The following CHRM3 variants were observed in gnomAD, a reference collection of about 807,000 sequenced individuals.
CHRM3 encodes the protein muscarinic acetylcholine receptor M3.
Under a neutral mutation model 41.8 loss-of-function variants are expected in CHRM3, and 11 were observed. That is an observed-to-expected ratio of 0.26 (90% CI 0.17 to 0.44). The LOEUF is 0.44. CHRM3 is among the 20% of genes least tolerant of loss of function. The pLI, the probability that CHRM3 is intolerant of heterozygous loss-of-function variation, is 1.00. For missense variants in CHRM3, 571 were observed against 745.4 expected (o/e 0.77, Z 2.72); for synonymous variants, 297 against 301.4 (o/e 0.99, Z 0.15).
At chr1:239,534,353 A>G (rs1346715639) in intron 2 of CHRM3, among the ~76,000 whole-genome samples, 2 of 152,184 alleles carry the variant, frequency 1.3e-5, no homozygotes, top group Non-Finnish European at 2.9e-5. Context: ...GAGAACGTGC[A>G]TACTGATTTG....
chr1:239,495,897 C>T (rs758154182), intron 2 of CHRM3, among the ~76,000 whole-genome samples: 1 of 151,998 alleles, frequency 6.6e-6, no homozygotes, highest in African/African-American at 2.4e-5. Context: ...ATTTCCTTCT[C>T]CCTACTTTTA....
intron 5 of CHRM3, among the ~76,000 whole-genome samples, chr1:239,757,865 A>G (rs906509900): frequency 2.0e-5 from 3 of 152,226 alleles, no homozygotes; most frequent in Admixed American, 1.3e-4. Context: ...TTAATGAAGC[A>G]GCAGTGGCTT....
intron 5 of CHRM3, among the ~76,000 whole-genome samples, chr1:239,811,131 G>GA (rs1207815594): frequency 6.6e-6 from 1 of 152,220 alleles, no homozygotes; most frequent in Non-Finnish European, 1.5e-5. Flanking sequence ...AAGCCGTCCT[G>GA]ACTCAAAATC....
rs546312537 is a variant in CHRM3, at chr1:239,883,511, A to G, written c.-19-23922A>G. 3.3e-5 allele frequency among the ~76,000 whole-genome samples: 5 copies of G among 152,202 alleles called. No individual in the cohort carries two copies. The East Asian group carries it at 9.7e-4, about 29-fold the overall frequency. On this transcript the variant is annotated intron_variant, in intron 6 of 6. Transcript: ENST00000676153. ...ATTTAGCAAACACTGCTTGCTCTCT[A>G]TGTGCTGAGCATTCTAACTGCTTAC... is the stretch of plus-strand genomic sequence containing the variant.
chr1:239,431,447 C>A (rs535906002), intron 1 of CHRM3, among the ~76,000 whole-genome samples: 69 of 152,144 alleles, frequency 4.5e-4, no homozygotes, highest in Non-Finnish European at 8.2e-4. Context: ...CTACATGACA[C>A]AATTGCCTTT....
intron 1 of CHRM3, among the ~76,000 whole-genome samples, chr1:239,423,872 G>A (rs993299152): frequency 2.6e-5 from 4 of 151,774 alleles, no homozygotes; most frequent in African/African-American, 9.7e-5. Context: ...TGGCTAACAC[G>A]GTGAAACCCC....
intron 3 of CHRM3, 172 bp downstream of exon 3, chr1:239,545,921 T>C (rs991941366): frequency 3.3e-5 from 5 of 152,180 alleles, no homozygotes; most frequent in African/African-American, 9.6e-5. Context: ...TGAAGAGGCA[T>C]GCTGAGCTGT....
At chr1:239,462,047 T>C (rs1209970562) in intron 1 of CHRM3, among the ~76,000 whole-genome samples, 1 of 152,218 alleles carries the variant, frequency 6.6e-6, no homozygotes, top group Non-Finnish European at 1.5e-5. Flanking sequence ...TAAAAAATTA[T>C]CTTTAATTTA....
At chr1:239,484,445 A>G (rs532008032) in intron 1 of CHRM3, among the ~76,000 whole-genome samples, 185 of 152,234 alleles carry the variant, frequency 1.2e-3, no homozygotes, top group Non-Finnish European at 2.0e-3. Context: ...CACCTCCAAC[A>G]TTGGAAATTA....
At chr1:239,596,199 A>G (rs942757292) in intron 3 of CHRM3, among the ~76,000 whole-genome samples, 4 of 152,102 alleles carry the variant, frequency 2.6e-5, no homozygotes, top group African/African-American at 9.7e-5. Context: ...GTAATTTTCC[A>G]TCTCTGACTC....
chr1:239,629,585 T>C (rs923855329), intron 3 of CHRM3: 1 of 152,244 alleles, frequency 6.6e-6, no homozygotes, highest in Non-Finnish European at 1.5e-5. Flanking sequence ...CACATCTAAT[T>C]GATGACAATA....
At chr1:239,461,746 AT>A (rs1338121267) in intron 1 of CHRM3, among the ~76,000 whole-genome samples, 1 of 151,412 alleles carries the variant, frequency 6.6e-6, no homozygotes, top group East Asian at 1.9e-4. Context: ...TTCTATCCCC[AT>A]TTTTCTACCT....
intron 6 of CHRM3, among the ~76,000 whole-genome samples, chr1:239,834,562 T>C (rs1018245033): frequency 6.6e-6 from 1 of 152,138 alleles, no homozygotes; most frequent in African/African-American, 2.4e-5. Flanking sequence ...ACAGCCAAGT[T>C]CATACAGTCC....
intron 6 of CHRM3, among the ~76,000 whole-genome samples, chr1:239,851,615 A>T (rs1040726478): frequency 6.6e-6 from 1 of 152,170 alleles, no homozygotes; most frequent in African/African-American, 2.4e-5. Flanking sequence ...AGCCCTTTTC[A>T]AATGGGAAAT....
intron 2 of CHRM3, among the ~76,000 whole-genome samples, chr1:239,541,669 G>T (rs777335216): frequency 1.3e-5 from 2 of 151,858 alleles, no homozygotes; most frequent in East Asian, 1.9e-4. Context: ...GTGCCACTGC[G>T]CCAGGCTAAT....
chr1:239,542,124 T>C (rs1299706926), intron 2 of CHRM3, among the ~76,000 whole-genome samples: 1 of 152,098 alleles, frequency 6.6e-6, no homozygotes, highest in Non-Finnish European at 1.5e-5. Flanking sequence ...CTTGATATTA[T>C]ACTATATCAG....
At chr1:239,465,318 T>G (rs540318352) in intron 1 of CHRM3, among the ~76,000 whole-genome samples, 2 of 152,260 alleles carry the variant, frequency 1.3e-5, no homozygotes, top group East Asian at 3.9e-4. Context: ...AATCTGGAAA[T>G]GGCATGAGAT....
chr1:239,622,914 T>A (rs929637159), intron 3 of CHRM3, among the ~76,000 whole-genome samples: 2 of 152,064 alleles, frequency 1.3e-5, no homozygotes, highest in African/African-American at 4.8e-5. Flanking sequence ...TACAGAGAAA[T>A]CTTTTACAAA....
At chr1:239,816,514 A>C (rs888901830) in intron 5 of CHRM3, among the ~76,000 whole-genome samples, 2 of 152,078 alleles carry the variant, frequency 1.3e-5, no homozygotes, top group South Asian at 2.1e-4. Flanking sequence ...GGAGGGAATC[A>C]ATCCCAGACC....
Sources: allele counts gnomAD v4.1 joint callset (sites outside exome capture counted in the v4.1 genomes callset), GRCh38; gene constraint gnomAD v4.1.1; transcripts MANE v1.5; gene names NCBI Gene and HGNC (gene_info 2026-07-23, HGNC 2026-07-21).